Variants in NELL2 observed in about 807,000 individuals in gnomAD.
NELL2 encodes the protein protein kinase C-binding protein NELL2.
NELL2 carries 41 observed loss-of-function variants against 109.6 expected under a neutral mutation model. The observed-to-expected ratio is 0.37, with a 90% CI of 0.29 to 0.49. The LOEUF is 0.49. Among genes scored for constraint, NELL2 ranks in the 20% least tolerant of loss-of-function variants. The probability of loss-of-function intolerance (pLI) is 0.98; values close to 1 mark genes in which losing one functional copy is unlikely to be tolerated. For synonymous variants in NELL2, 355 were observed against 344.7 expected, an observed-to-expected ratio of 1.03 and a Z score of -0.33; for missense variants, 900 against 1,008.3, an observed-to-expected ratio of 0.89 and a Z score of 1.45.
intron 15 of NELL2, among the ~76,000 whole-genome samples, chr12:44,550,129 T>C (rs978367231): frequency 1.3e-5 from 2 of 151,948 alleles, no homozygotes; most frequent in Admixed American, 6.6e-5. Context: ...GTGCCAAGAA[T>C]ACACAATGGG....
intron 11 of NELL2, among the ~76,000 whole-genome samples, chr12:44,710,914 G>T (rs933988057): frequency 6.6e-6 from 1 of 151,936 alleles, no homozygotes; most frequent in African/African-American, 2.4e-5. Flanking sequence ...GAGGAGAAAT[G>T]AAAAACAAAC....
At chr12:44,682,806 G>T (rs571441637) in intron 12 of NELL2, among the ~76,000 whole-genome samples, 9 of 152,304 alleles carry the variant, frequency 5.9e-5, no homozygotes, top group African/African-American at 2.2e-4. Context: ...GTACCATGCT[G>T]TTTTGGTTAC....
intron 16 of NELL2, chr12:44,523,749 C>CCTG: frequency 2.4e-6 from 1 of 423,218 alleles, no homozygotes; most frequent in South Asian, 3.3e-5. Context: ...TAACATTAGG[C>CCTG]TTTATGAAAC....
intron 9 of NELL2, among the ~76,000 whole-genome samples, chr12:44,755,537 T>C (rs1321046414): frequency 1.3e-5 from 2 of 151,992 alleles, no homozygotes; most frequent in African/African-American, 2.4e-5. Flanking sequence ...TCCTTGGCTC[T>C]CCCCTCACCT....
At chr12:44,791,373 G>A (rs1942427353) in intron 3 of NELL2, among the ~76,000 whole-genome samples, 1 of 149,926 alleles carries the variant, frequency 6.7e-6, no homozygotes, top group Admixed American at 6.7e-5. Flanking sequence ...TGGGAGATAA[G>A]CCATAAGGAC....
At chr12:44,576,219 C>T (rs1039383417) in intron 15 of NELL2, among the ~76,000 whole-genome samples, 3 of 152,234 alleles carry the variant, frequency 2.0e-5, no homozygotes, top group South Asian at 4.1e-4. Context: ...CCACTCCCCA[C>T]GCACAACGTG....
intron 3 of NELL2, among the ~76,000 whole-genome samples, chr12:44,790,746 A>C (rs1162118903): frequency 6.6e-6 from 1 of 151,844 alleles, no homozygotes; most frequent in African/African-American, 2.4e-5. Flanking sequence ...CTCACCAACC[A>C]ACTCTCTGCT....
chr12:44,703,701 A>G, intron 12 of NELL2, 25 bp downstream of exon 12: 1 of 1,612,376 alleles, frequency 6.2e-7, no homozygotes, highest in South Asian at 1.1e-5. Context: ...TATACAGCTG[A>G]GCTACACATC....
chr12:44,877,263 C>T (rs1945354289), upstream of NELL2, among the ~76,000 whole-genome samples: 1 of 152,198 alleles, frequency 6.6e-6, no homozygotes, highest in Non-Finnish European at 1.5e-5. Context: ...CAGGCTCTAC[C>T]TGCCCTTCAC....
At chr12:44,775,392 A>C (rs1941718111) in intron 8 of NELL2, among the ~76,000 whole-genome samples, 1 of 151,866 alleles carries the variant, frequency 6.6e-6, no homozygotes, top group African/African-American at 2.4e-5. Context: ...CTTTCCAGAA[A>C]ACCAGCTTTA....
intron 1 of NELL2, among the ~76,000 whole-genome samples, chr12:44,911,823 ATCTT>A (rs1204559511): frequency 6.6e-6 from 1 of 151,846 alleles, no homozygotes; most frequent in East Asian, 1.9e-4. Context: ...TGGTGACTAA[ATCTT>A]TCTGTGAGAG....
upstream of NELL2, among the ~76,000 whole-genome samples, chr12:44,915,148 G>A (rs435183): frequency 0.01 from 1,539 of 152,260 alleles, 29 homozygotes; most frequent in African/African-American, 0.036. Context: ...ACCGCGCCTG[G>A]CCAAAAAGAA....
chr12:44,638,181 G>C (rs79440435), intron 13 of NELL2, among the ~76,000 whole-genome samples: 3,104 of 151,988 alleles, frequency 0.02, 97 homozygotes, highest in African/African-American at 0.071. Context: ...CCTTCCTCTA[G>C]TCTTTCTTAA....
intron 13 of NELL2, among the ~76,000 whole-genome samples, chr12:44,620,711 C>A (rs1946027105): frequency 6.6e-6 from 1 of 152,080 alleles, no homozygotes; most frequent in East Asian, 1.9e-4. Context: ...TTATCCGGGG[C>A]CAGGTCACCT....
intron 1 of NELL2, among the ~76,000 whole-genome samples, chr12:44,902,153 C>T (rs1485390698): frequency 6.6e-6 from 1 of 152,162 alleles, no homozygotes; most frequent in African/African-American, 2.4e-5. Context: ...TAGAAAACCC[C>T]ATCGTCTCAG....
intron 9 of NELL2, among the ~76,000 whole-genome samples, chr12:44,719,365 T>C (rs1446037021): frequency 1.3e-5 from 2 of 152,176 alleles, no homozygotes; most frequent in Non-Finnish European, 2.9e-5. Flanking sequence ...TAATGAACTT[T>C]AGCAAACCCT....
intron 15 of NELL2, among the ~76,000 whole-genome samples, chr12:44,569,282 A>G (rs1212611340): frequency 2.0e-5 from 3 of 152,186 alleles, no homozygotes; most frequent in Admixed American, 6.6e-5. Flanking sequence ...GCAGTCTACC[A>G]TTAATGAGTA....
At chr12:44,916,220 T>C (rs1945827960), upstream of NELL2, among the ~76,000 whole-genome samples, 1 of 152,186 alleles carries the variant, frequency 6.6e-6, no homozygotes, top group Non-Finnish European at 1.5e-5. Flanking sequence ...ACTGCAGATT[T>C]AAAGTTATGA....
chr12:44,628,530 C>T (rs1428343530), intron 13 of NELL2, among the ~76,000 whole-genome samples: 1 of 152,130 alleles, frequency 6.6e-6, no homozygotes, highest in Non-Finnish European at 1.5e-5. Context: ...TTGCTATTGG[C>T]CAGCATTTTT....
Sources: gnomAD v4.1 joint callset for allele counts (sites outside exome capture counted in the v4.1 genomes callset) on GRCh38, gnomAD v4.1.1 for gene constraint, MANE v1.5 for transcripts, NCBI Gene and HGNC (gene_info 2026-07-23, HGNC 2026-07-21) for gene names.